Variants in ARSF observed in about 807,000 individuals in gnomAD.
ARSF encodes arylsulfatase F.
Under a neutral mutation model 35.4 loss-of-function variants are expected in ARSF, and 33 were observed. That is an observed-to-expected ratio of 0.93 (90% CI 0.71 to 1.25). The LOEUF (loss-of-function observed/expected upper bound fraction) is 1.25, where lower values mean the gene tolerates loss of function less well. Among genes scored for constraint, ARSF ranks in the 50% most tolerant of loss-of-function variants. The probability of loss-of-function intolerance (pLI) is 0.00; values close to 1 mark genes in which losing one functional copy is unlikely to be tolerated. For missense variants in ARSF, 501 were observed against 480.2 expected, an observed-to-expected ratio of 1.04 and a Z score of -0.40; for synonymous variants, 222 against 193.1, an observed-to-expected ratio of 1.15 and a Z score of -1.24.
intron 4 of ARSF, among the ~76,000 whole-genome samples, chrX:3,078,266 T>A (rs1001552255): frequency 3.6e-5 from 4 of 110,693 alleles, no homozygotes; most frequent in African/African-American, 1.3e-4. Flanking sequence ...CACAGCTCAC[T>A]GCAACCTCAA....
chrX:3,072,540 C>T (rs971774544), intron 3 of ARSF, among the ~76,000 whole-genome samples: 1 of 110,536 alleles, frequency 9.0e-6, no homozygotes, highest in Non-Finnish European at 1.9e-5. Context: ...CTATCTGGAC[C>T]CGAGTCCTGG....
intron 2 of ARSF, among the ~76,000 whole-genome samples, chrX:3,070,939 GT>G (rs1555918312): frequency 1.2e-4 from 1 of 8,399 alleles, no homozygotes; most frequent in Non-Finnish European, 2.3e-4. Context: ...GTATTCCATG[GT>G]GTGTGTGTGT....
At chrX:3,093,164 C>CCAA (rs945808472) in intron 7 of ARSF, among the ~76,000 whole-genome samples, 9 of 111,013 alleles carry the variant, frequency 8.1e-5, no homozygotes, top group African/African-American at 2.6e-4. Flanking sequence ...GACTCCGTCT[C>CCAA]AAAAGAAAAA....
chrX:3,071,082 G>A (rs887028577), intron 2 of ARSF, among the ~76,000 whole-genome samples: 2 of 109,862 alleles, frequency 1.8e-5, no homozygotes, highest in Non-Finnish European at 3.8e-5. Flanking sequence ...AGAGTGTCTC[G>A]CTCCAAGCAC....
At chrX:3,042,285 A>C (rs763937871) in intron 1 of ARSF, among the ~76,000 whole-genome samples, 2 of 112,116 alleles carry the variant, frequency 1.8e-5, no homozygotes, top group East Asian at 2.8e-4. Context: ...GTTTTCACAG[A>C]TAATCTAGGT....
intron 7 of ARSF, among the ~76,000 whole-genome samples, chrX:3,095,741 A>G (rs143591095): frequency 0.011 from 1,228 of 109,915 alleles, 22 homozygotes; most frequent in African/African-American, 0.037. Flanking sequence ...AATAGTTTCA[A>G]TTTTTACTTT....
At chrX:3,102,652 T>C (rs1376024359) in intron 8 of ARSF, among the ~76,000 whole-genome samples, 1 of 112,431 alleles carries the variant, frequency 8.9e-6, no homozygotes, top group Non-Finnish European at 1.9e-5. Context: ...TTTTGGCTCA[T>C]GCCTGTAATC....
chrX:3,055,995 G>A lies in ARSF; in HGVS notation c.-28-12078G>A, dbSNP rs147280606. 3.4e-3 allele frequency among the ~76,000 whole-genome samples: 380 copies of A among 111,385 alleles called. 2 individuals carry two copies. Among genetic ancestry groups the A allele is most frequent in the African/African-American group, 0.011 (351 of 30,691 alleles). ...GAGATGGGATCTTGCTCTGTTGCCC[G>A]GGCTGTAGAACAGTGGTGGAATTAC... On this transcript the variant is annotated intron_variant, in intron 1 of 10. Coordinates refer to ENST00000381127, the MANE Select transcript of ARSF (RefSeq NM_001201539.2).
At chrX:3,088,339 C>A (rs570949462) in intron 6 of ARSF, among the ~76,000 whole-genome samples, 1 of 111,403 alleles carries the variant, frequency 9.0e-6, no homozygotes, top group South Asian at 3.8e-4. Context: ...TTTGACTTTT[C>A]GCACTCGCAT....
At chrX:3,100,199 GA>G (rs2090366280) in intron 7 of ARSF, among the ~76,000 whole-genome samples, 1 of 112,204 alleles carries the variant, frequency 8.9e-6, no homozygotes, top group Admixed American at 9.5e-5. Context: ...GAAGGGAAGG[GA>G]AAATGGTTAA....
chrX:3,044,701 C>G (rs1374926721), intron 1 of ARSF, among the ~76,000 whole-genome samples: 1 of 109,959 alleles, frequency 9.1e-6, no homozygotes, highest in African/African-American at 3.3e-5. Flanking sequence ...AGTTACTTCT[C>G]TGCTCGCCAC....
At chrX:3,081,595 C>T (rs866590978) in intron 5 of ARSF, among the ~76,000 whole-genome samples, 2 of 111,621 alleles carry the variant, frequency 1.8e-5, no homozygotes, top group Non-Finnish European at 3.8e-5. Flanking sequence ...CCTTGGCCTC[C>T]CAAAGTGCTG....
chrX:3,054,206 A>C (rs2090008524), intron 1 of ARSF, among the ~76,000 whole-genome samples: 1 of 111,255 alleles, frequency 9.0e-6, no homozygotes, highest in African/African-American at 3.3e-5. Context: ...GACTGGATGG[A>C]CCTTGGTCAT....
At position 3,103,820 on chromosome X, in the gene ARSF, G is replaced by A; in HGVS notation, c.1161G>A (p.Trp387Ter). The A allele has an allele frequency of 8.3e-7, 1 of 1,211,808 alleles. No individual in the cohort carries two copies. The highest frequency in any genetic ancestry group is 1.1e-6 in the Non-Finnish European group (1 of 895,421). ...TCCGCGTCCCAGGAATTGTCCGATG[G>A]CCTGGAAAGGTACCAGCTGGACGGT... ...GGIRVPGIVR[W>*]PGKVPAGRLI... is the part of the protein sequence containing the mutation. The change falls in exon 9 of 11, where the codon TGG becomes TGA. Residue 387 changes from tryptophan (W) to a stop codon, truncating the protein, a stop_gained. Transcript: ENST00000381127. LOFTEE classifies it high-confidence loss of function.
intron 7 of ARSF, among the ~76,000 whole-genome samples, chrX:3,099,080 CAT>C (rs757353473): frequency 9.0e-6 from 1 of 111,195 alleles, no homozygotes; most frequent in South Asian, 3.9e-4. Flanking sequence ...TCCACCTCCA[CAT>C]GTTTCTTATG....
intron 7 of ARSF, among the ~76,000 whole-genome samples, chrX:3,095,438 TATC>T (rs1172417113): frequency 8.3e-5 from 9 of 108,215 alleles, no homozygotes; most frequent in African/African-American, 1.7e-4. Context: ...AATATAAACA[TATC>T]ATTAATATAC....
At position 3,072,097 on chromosome X, in the gene ARSF, A is replaced by G. The variant is rs772477243; in HGVS notation, c.83A>G (p.Asp28Gly). The change falls in exon 3 of 11, where the codon GAC becomes GGC. Residue 28 changes from aspartate (D) to glycine (G), a missense_variant. By Grantham distance (94) the Asp-to-Gly change is moderately conservative. Transcript: ENST00000381127. ...NTCQAHRVHD[D>G]KPNIVLIMVD... The stretch of plus-strand genomic sequence containing the variant: ...TGCCAGGCACACAGGGTGCATGACG[A>G]CAAGCCTAATATTGTCCTAATCATG... The G allele has an allele frequency of 8.3e-7, 1 of 1,211,379 alleles. No individual in the cohort carries two copies. The highest frequency in any genetic ancestry group is 3.0e-5 in the East Asian group (1 of 33,812).
chrX:3,085,629 A>G (rs1301758484), intron 6 of ARSF, among the ~76,000 whole-genome samples: 1 of 111,037 alleles, frequency 9.0e-6, no homozygotes, highest in Non-Finnish European at 1.9e-5. Context: ...CTTTCTTTAA[A>G]AAAAGCCTGT....
chrX:3,064,722 T>C (rs1459800251), intron 1 of ARSF, among the ~76,000 whole-genome samples: 1 of 111,918 alleles, frequency 8.9e-6, no homozygotes, highest in Non-Finnish European at 1.9e-5. Context: ...TCACTGGCCA[T>C]CAGAGAAATG....
Sources: allele counts gnomAD v4.1 joint callset (sites outside exome capture counted in the v4.1 genomes callset), GRCh38; gene constraint gnomAD v4.1.1; transcripts MANE v1.5; gene names NCBI Gene and HGNC (gene_info 2026-07-23, HGNC 2026-07-21).